Variants in INTS4 observed in about 807,000 individuals in gnomAD.
The protein encoded by INTS4 is MSTP093.
A neutral mutation model predicts 119.5 loss-of-function variants in INTS4; 70 were observed. That is an observed-to-expected ratio of 0.59 (90% CI 0.48 to 0.71). The LOEUF is 0.71. Among genes scored for constraint, INTS4 ranks in the 30% least tolerant of loss-of-function variants. INTS4 has a pLI of 0.00. For synonymous variants in INTS4, 316 were observed against 419.6 expected (o/e 0.75, Z 3.02); for missense variants, 867 against 1,173.2 (o/e 0.74, Z 3.81).
At chr11:77,952,103 A>T (rs1000532786) in intron 8 of INTS4, among the ~76,000 whole-genome samples, 6 of 152,218 alleles carry the variant, frequency 3.9e-5, no homozygotes, top group African/African-American at 7.2e-5. Context: ...TCAATTTTTT[A>T]AAATTAATTA....
chr11:77,993,974 CA>C (rs1490858427), intron 1 of INTS4, among the ~76,000 whole-genome samples: 2 of 147,520 alleles, frequency 1.4e-5, no homozygotes, highest in East Asian at 4.1e-4. Context: ...TGACTCCCGA[CA>C]GGGACTCTGC....
At chr11:77,970,936 T>C (rs909445515) in intron 4 of INTS4, among the ~76,000 whole-genome samples, 6 of 151,958 alleles carry the variant, frequency 3.9e-5, no homozygotes, top group Non-Finnish European at 7.4e-5. Flanking sequence ...GCCTCCCGAG[T>C]AGCTGGGATT....
At chr11:77,958,964 C>T (rs1954398045) in intron 6 of INTS4, 130 bp from the exon 7 acceptor site, 1 of 653,708 alleles carries the variant, frequency 1.5e-6, no homozygotes, top group African/African-American at 1.8e-5. Flanking sequence ...GTTTTAACTT[C>T]TGGAATCTTT....
At position 77,981,432 on chromosome 11, in the gene INTS4, C is replaced by T. The variant is rs1260154936; in HGVS notation, c.364+27G>A. ...AAAGAACTAAATATTTCTGCTCTGA[C>T]TATAGAGCTTTTAAATTGCAACTTA... On this transcript the variant is annotated intron_variant, in intron 3 of 22. Transcript: ENST00000534064. 2.6e-6 allele frequency: 3 copies of T among 1,164,400 alleles called. 1 individual carries two copies. 72.1% of individuals were successfully genotyped at this position (1,164,400 alleles called of 1,614,324 possible).
intron 4 of INTS4, among the ~76,000 whole-genome samples, chr11:77,970,954 C>T (rs1052798646): frequency 6.6e-6 from 1 of 151,860 alleles, no homozygotes; most frequent in Admixed American, 6.6e-5. Context: ...ATTACAGGCG[C>T]CCACCACCAT....
chr11:77,941,760 C>G (rs1953934426), intron 8 of INTS4, among the ~76,000 whole-genome samples: 1 of 152,184 alleles, frequency 6.6e-6, no homozygotes, highest in African/African-American at 2.4e-5. Context: ...CCTACCTCGG[C>G]CTCCCAAAGT....
chr11:77,920,080 A>C (rs992260336), intron 14 of INTS4, among the ~76,000 whole-genome samples: 7 of 151,888 alleles, frequency 4.6e-5, no homozygotes, highest in Admixed American at 2.0e-4. Context: ...AAATGCTTAG[A>C]TTACAGGTAT....
At chr11:77,970,295 A>G (rs1855673297) in intron 4 of INTS4, among the ~76,000 whole-genome samples, 1 of 152,144 alleles carries the variant, frequency 6.6e-6, no homozygotes, top group African/African-American at 2.4e-5. Flanking sequence ...GCTACTCAGG[A>G]GGCTGAGGCA....
In INTS4 at chr11:77,941,227, G is replaced by T; in HGVS notation, c.943C>A (p.His315Asn). ...TTGTCAAGGGTCTGCTCCAAGAAATGAGAACTGACTTGCTCCATAGAGCCC... is the reference window on the plus strand; with the variant it reads ...TTGTCAAGGGTCTGCTCCAAGAAATTAGAACTGACTTGCTCCATAGAGCCC... ...LLGSMEQVSS[H>N]FLEQTLDKKL... is the part of the protein sequence containing the mutation. Residue 315 changes from histidine (H) to asparagine (N), a missense_variant, in exon 9 of 23, where the codon CAT becomes AAT. By Grantham distance (68) the His-to-Asn change is moderately conservative (BLOSUM62 1). This residue lies in a region of INTS4 where 208 missense variants were observed against 306.6 expected (regional missense o/e 0.68). Transcript: ENST00000534064. 1 of 1,612,776 alleles carries T rather than the reference G, an allele frequency of 6.2e-7. No homozygotes were observed. Among genetic ancestry groups the T allele is most frequent in the Non-Finnish European group, 8.5e-7 (1 of 1,179,584 alleles).
intron 4 of INTS4, chr11:77,963,312 G>C (rs1855327621): frequency 3.0e-6 from 1 of 330,314 alleles, no homozygotes; most frequent in African/African-American, 3.0e-5. Context: ...TCATCATTAA[G>C]AACTGCTTTT....
chr11:77,934,141 T>A (rs584812), intron 10 of INTS4, among the ~76,000 whole-genome samples: 1 of 151,752 alleles, frequency 6.6e-6, no homozygotes, highest in African/African-American at 2.4e-5. Context: ...CAGGGTTAAA[T>A]GGATTAAGGG....
intron 6 of INTS4, 128 bp from the exon 7 acceptor site, chr11:77,958,962 T>G: frequency 1.5e-6 from 1 of 653,244 alleles, no homozygotes; most frequent in South Asian, 1.8e-5. Context: ...TGGTTTTAAC[T>G]TCTGGAATCT....
chr11:77,981,190 C>CAAAAAAA (rs35194381), intron 3 of INTS4, among the ~76,000 whole-genome samples: 5 of 88,836 alleles, frequency 5.6e-5, no homozygotes, highest in Admixed American at 2.4e-4. Flanking sequence ...AACAAACAAG[C>CAAAAAAA]AAAAAAAAAA....
chr11:77,912,828 G>A (rs1401623205), intron 15 of INTS4, among the ~76,000 whole-genome samples: 2 of 152,164 alleles, frequency 1.3e-5, no homozygotes, highest in Non-Finnish European at 1.5e-5. Flanking sequence ...CACAATAGGT[G>A]CTCTACCTAA....
At chr11:77,878,190 G>C (rs142224618), downstream of INTS4, among the ~76,000 whole-genome samples, 7 of 151,808 alleles carry the variant, frequency 4.6e-5, no homozygotes, top group Non-Finnish European at 1.0e-4. Context: ...GTGAAACCCC[G>C]TCTCTACTAA....
At chr11:77,973,264 A>C (rs182966133) in intron 4 of INTS4, among the ~76,000 whole-genome samples, 147 of 152,368 alleles carry the variant, frequency 9.6e-4, no homozygotes, top group Middle Eastern at 3.4e-3. Flanking sequence ...TGTATCCTGC[A>C]ATCTTGCTAA....
chr11:77,897,440 AAATT>A (rs1185849429), intron 18 of INTS4, among the ~76,000 whole-genome samples: 3 of 151,670 alleles, frequency 2.0e-5, no homozygotes, highest in East Asian at 1.9e-4. Context: ...ATAAACATAA[AAATT>A]AATAGAAGCT....
downstream of INTS4, among the ~76,000 whole-genome samples, chr11:77,874,372 CTT>C (rs560821678): frequency 3.9e-4 from 53 of 134,378 alleles, no homozygotes; most frequent in Non-Finnish European, 2.9e-4. Context: ...GTGATGCAGT[CTT>C]TTTTTTTTTT....
chr11:77,938,857 G>C, intron 9 of INTS4, 32 bp from the exon 10 acceptor site: 10 of 1,523,624 alleles, frequency 6.6e-6, no homozygotes, highest in Non-Finnish European at 8.9e-6. Context: ...ACCAATTGTA[G>C]GAGGTTCATG....
Sources: allele counts gnomAD v4.1 joint callset (sites outside exome capture counted in the v4.1 genomes callset), GRCh38; gene constraint gnomAD v4.1.1; regional missense constraint gnomAD v4.1.1; transcripts MANE v1.5; gene names NCBI Gene and HGNC (gene_info 2026-07-23, HGNC 2026-07-21).